PTPRG: variants seen among roughly 807,000 people sequenced by gnomAD.
PTPRG encodes the protein receptor-type tyrosine-protein phosphatase gamma.
PTPRG carries 102 observed loss-of-function variants against 165.3 expected under a neutral mutation model. That is an observed-to-expected ratio of 0.62 (90% CI 0.53 to 0.73). The LOEUF (loss-of-function observed/expected upper bound fraction) is 0.73. PTPRG is among the 30% of genes least tolerant of loss of function. PTPRG has a pLI of 0.00. For missense variants in PTPRG, 1,866 were observed against 1,861.4 expected (o/e 1.00, Z -0.05); for synonymous variants, 675 against 669.5 (o/e 1.01, Z -0.13).
rs188470748 is a variant in PTPRG at position 62,174,362 on chromosome 3, G to T, written c.1033+6199G>T. On this transcript the variant is annotated intron_variant, in intron 8 of 29. Coordinates refer to ENST00000474889, the MANE Select transcript of PTPRG (RefSeq NM_002841.4). ...CACTGTATAATGTAATAAAAGCAAA[G>T]GAAATGGAGAGGACACCGGGCTGCC... is the stretch of plus-strand genomic sequence containing the variant. Among the ~76,000 whole-genome samples the T allele has an allele frequency of 1.4e-4, 22 of 152,306 alleles. No homozygotes were observed. The East Asian group carries it at 4.1e-3, about 28-fold the overall frequency.
intron 2 of PTPRG, chr3:61,770,773 A>G (rs966276473): frequency 4.6e-5 from 7 of 152,218 alleles, no homozygotes; most frequent in Non-Finnish European, 8.8e-5. Context: ...TCATATTTTA[A>G]TACAATTAAA....
intron 2 of PTPRG, among the ~76,000 whole-genome samples, chr3:61,895,009 C>G (rs1183990095): frequency 6.6e-6 from 1 of 152,180 alleles, no homozygotes; most frequent in Non-Finnish European, 1.5e-5. Context: ...TCTCTGGGCC[C>G]TCTGCCCCCA....
chr3:62,092,609 A>G (rs1298336528), intron 5 of PTPRG, among the ~76,000 whole-genome samples: 1 of 152,084 alleles, frequency 6.6e-6, no homozygotes, highest in Non-Finnish European at 1.5e-5. Flanking sequence ...AGTTCTGCCC[A>G]TTAGTAGGAG....
intron 1 of PTPRG, among the ~76,000 whole-genome samples, chr3:61,563,051 C>A (rs762274880): frequency 1.3e-5 from 2 of 151,920 alleles, no homozygotes; most frequent in South Asian, 4.2e-4. Context: ...TCGGAGAGAT[C>A]CGTGTCTCCC....
chr3:61,843,190 G>A (rs1268767145), intron 2 of PTPRG, among the ~76,000 whole-genome samples: 1 of 151,994 alleles, frequency 6.6e-6, no homozygotes, highest in Non-Finnish European at 1.5e-5. Flanking sequence ...TTTGAAAATG[G>A]CCAAGTTAAT....
rs569698111 is a variant in PTPRG at position 62,088,072 on chromosome 3, C to G, written c.615+9814C>G. Among the ~76,000 whole-genome samples, 208 of 152,280 alleles carry G rather than the reference C, an allele frequency of 1.4e-3. 1 individual carries two copies. Among genetic ancestry groups the G allele is most frequent in the Non-Finnish European group, 1.6e-3 (112 of 68,032 alleles). The stretch of plus-strand genomic sequence containing the variant: ...TTGAACTTTGAATTGAATGTATTAA[C>G]CTTTTAATGGCAGCAGTTCTGAAGT... On this transcript the variant is annotated intron_variant, in intron 5 of 29. Transcript: ENST00000474889.
At chr3:61,649,035 C>T (rs1199558124) in intron 1 of PTPRG, among the ~76,000 whole-genome samples, 1 of 152,092 alleles carries the variant, frequency 6.6e-6, no homozygotes, top group Non-Finnish European at 1.5e-5. Flanking sequence ...GTTAAAAAAC[C>T]TAGTGTTAAC....
At chr3:61,871,892 C>T (rs1429854056) in intron 2 of PTPRG, among the ~76,000 whole-genome samples, 1 of 152,122 alleles carries the variant, frequency 6.6e-6, no homozygotes, top group Non-Finnish European at 1.5e-5. Context: ...ACATTTAAGG[C>T]CGTAGGCATT....
chr3:61,629,487 G>A (rs1357011001), intron 1 of PTPRG, among the ~76,000 whole-genome samples: 1 of 152,078 alleles, frequency 6.6e-6, no homozygotes, highest in Non-Finnish European at 1.5e-5. Context: ...ATGTTTTCTG[G>A]GTAAAAGAGG....
chr3:61,588,610 T>C (rs1343247815), intron 1 of PTPRG, among the ~76,000 whole-genome samples: 1 of 152,048 alleles, frequency 6.6e-6, no homozygotes, highest in Admixed American at 6.5e-5. Context: ...CACTCCCTGC[T>C]AATTTTTTGT....
intron 8 of PTPRG, among the ~76,000 whole-genome samples, chr3:62,170,988 G>T (rs990254422): frequency 6.6e-6 from 1 of 151,964 alleles, no homozygotes; most frequent in Non-Finnish European, 1.5e-5. Flanking sequence ...AATTCACTTA[G>T]CCTGTTTAAT....
intron 6 of PTPRG, among the ~76,000 whole-genome samples, chr3:62,150,052 A>G (rs1386937279): frequency 1.3e-5 from 2 of 152,162 alleles, no homozygotes; most frequent in Admixed American, 1.3e-4. Context: ...CAGGCTTTCA[A>G]TCAAATGTTT....
chr3:61,773,049 A>G (rs1037602492), intron 2 of PTPRG, among the ~76,000 whole-genome samples: 1 of 152,232 alleles, frequency 6.6e-6, no homozygotes, highest in Admixed American at 6.5e-5. Flanking sequence ...AACATTTGAA[A>G]CATTAGATGT....
chr3:62,221,025 C>G (rs1005949136), intron 13 of PTPRG, among the ~76,000 whole-genome samples: 2 of 152,134 alleles, frequency 1.3e-5, no homozygotes, highest in African/African-American at 4.8e-5. Context: ...CCCAGCCAGC[C>G]AAAACATGAG....
intron 2 of PTPRG, among the ~76,000 whole-genome samples, chr3:61,925,524 A>T (rs1157708971): frequency 6.6e-6 from 1 of 152,174 alleles, no homozygotes; most frequent in Admixed American, 6.5e-5. Flanking sequence ...TGGGCAGATC[A>T]CCTGAGGTGA....
chr3:62,048,566 G>A (rs569603902), intron 4 of PTPRG, among the ~76,000 whole-genome samples: 2 of 152,176 alleles, frequency 1.3e-5, no homozygotes, highest in Admixed American at 6.5e-5. Flanking sequence ...CACCAGAAGG[G>A]CAACCTTTTT....
At chr3:61,870,925 A>G (rs573208070) in intron 2 of PTPRG, among the ~76,000 whole-genome samples, 1 of 152,276 alleles carries the variant, frequency 6.6e-6, no homozygotes, top group East Asian at 1.9e-4. Context: ...AGAAATCAGC[A>G]ACGGGGTAGA....
intron 1 of PTPRG, among the ~76,000 whole-genome samples, chr3:61,626,241 A>G (rs1701605591): frequency 6.6e-6 from 1 of 152,186 alleles, no homozygotes; most frequent in African/African-American, 2.4e-5. Flanking sequence ...GCATTATTCT[A>G]GTCTCTAATT....
At position 62,271,347 on chromosome 3, in the gene PTPRG, C is replaced by G. The variant is rs765834371; in HGVS notation, c.3010-36C>G. On this transcript the variant is annotated intron_variant, in intron 20 of 29. Transcript: ENST00000474889. The surrounding 1 kb of genome is among the most constrained non-coding windows in gnomAD (Gnocchi z 4.1). ...TATTTTTTTCCAGAATGTCCACCCC[C>G]CCGCTTAAAGACATCTTTTTTCACT... 5 of 1,535,908 alleles carry G rather than the reference C, an allele frequency of 3.3e-6. No homozygotes were observed. The highest frequency in any genetic ancestry group is 1.4e-5 in the African/African-American group (1 of 72,664).
Sources: allele counts gnomAD v4.1 joint callset (sites outside exome capture counted in the v4.1 genomes callset), GRCh38; gene constraint gnomAD v4.1.1; non-coding constraint Gnocchi (gnomAD v3.1); transcripts MANE v1.5; gene names NCBI Gene and HGNC (gene_info 2026-07-23, HGNC 2026-07-21).